The following SCML2 variants were observed in gnomAD, a reference collection of about 807,000 sequenced individuals.
SCML2 encodes Scm polycomb group protein like 2.
In SCML2, 6 loss-of-function variants were observed where a neutral mutation model predicts 48.4. That is an observed-to-expected ratio of 0.12 (90% CI 0.07 to 0.24). SCML2 has a LOEUF of 0.24. Ranked by LOEUF, SCML2 falls within the 10% of genes least tolerant of loss-of-function variation. The pLI is 1.00. For missense variants in SCML2, 377 were observed against 528.2 expected (o/e 0.71, Z 2.81); for synonymous variants, 181 against 189.5 (o/e 0.95, Z 0.37).
intron 11 of SCML2, among the ~76,000 whole-genome samples, chrX:18,248,385 T>A (rs1039984005): frequency 8.9e-6 from 1 of 112,640 alleles, no homozygotes; most frequent in African/African-American, 3.2e-5. Flanking sequence ...TAAAGCATGA[T>A]CCTGAAAGTA....
At chrX:18,322,696 C>A (rs1270414162) in intron 5 of SCML2, among the ~76,000 whole-genome samples, 3 of 110,979 alleles carry the variant, frequency 2.7e-5, no homozygotes, top group African/African-American at 9.8e-5. Context: ...GAGTTTGAGA[C>A]CAGCCTGGCC....
chrX:18,320,574 C>G (rs1050804890), intron 5 of SCML2, among the ~76,000 whole-genome samples, 154 bp from the exon 6 acceptor site: 4 of 111,245 alleles, frequency 3.6e-5, no homozygotes, highest in Admixed American at 1.9e-4. Context: ...GCAGATGTAC[C>G]CTCCTCTCAT....
chrX:18,241,040 C>T lies in SCML2; in HGVS notation c.*211G>A, dbSNP rs180990036. The T allele has an allele frequency of 2.2e-4, 54 of 243,705 alleles. No homozygotes were observed. Among genetic ancestry groups the T allele is most frequent in the African/African-American group, 1.2e-3 (44 of 35,532 alleles). 20.1% of individuals were successfully genotyped at this position (243,705 alleles called of 1,213,427 possible). A position where few individuals can be genotyped will look rare whatever the true frequency, so the allele number is the denominator to read the frequency against. On this transcript the variant is annotated 3_prime_UTR_variant, in exon 15 of 15. Coordinates refer to ENST00000251900, the MANE Select transcript of SCML2 (RefSeq NM_006089.3). ...GTTAAATGCTTTTTAAAGAAGTAGA[C>T]TGGGGGAGTGGCGGCTGTGTCTCCC... is the stretch of plus-strand genomic sequence containing the variant.
At chrX:18,283,709 T>C (rs1927944690) in intron 7 of SCML2, among the ~76,000 whole-genome samples, 1 of 111,233 alleles carries the variant, frequency 9.0e-6, no homozygotes, top group Admixed American at 9.6e-5. Context: ...GAAAATGAAA[T>C]ATCTAGATAC....
chrX:18,260,051 A>G (rs376794693), intron 9 of SCML2, 120 bp downstream of exon 9: 3 of 466,589 alleles, frequency 6.4e-6, no homozygotes, highest in Non-Finnish European at 6.6e-6. Flanking sequence ...ATGCAAAGAT[A>G]AATGTTTAAT....
In SCML2 at chrX:18,246,576, C is replaced by A; in HGVS notation, c.1822+1G>T. On this transcript the variant is annotated splice_donor_variant, in intron 13 of 14. Transcript: ENST00000251900. LOFTEE classifies it high-confidence loss of function. ...TTGAGAGTCACTATTTTTGAACATA[C>A]CTTCACTTTTCCTCTGCATTTGGAA... 1 of 1,192,195 alleles carries A rather than the reference C, an allele frequency of 8.4e-7. No homozygotes were observed. Among genetic ancestry groups the A allele is most frequent in the South Asian group, 1.9e-5 (1 of 53,163 alleles).
chrX:18,252,681 T>C (rs1177949745), intron 11 of SCML2, among the ~76,000 whole-genome samples: 39 of 112,864 alleles, frequency 3.5e-4, no homozygotes, highest in Non-Finnish European at 1.3e-4. Flanking sequence ...CATTCTAGTC[T>C]AAACTGAAGA....
chrX:18,312,596 G>T (rs1928988339), intron 6 of SCML2, among the ~76,000 whole-genome samples: 1 of 110,021 alleles, frequency 9.1e-6, no homozygotes, highest in Non-Finnish European at 1.9e-5. Context: ...AGAACCCGAG[G>T]ATATGGAAAG....
rs781139352 is a variant in SCML2 at position 18,267,007 on chromosome X, G to A, written c.731-1205C>T. On this transcript the variant is annotated intron_variant, in intron 7 of 14. Transcript: ENST00000251900. ...ACTTCCACTTTTTTGAAAAAGTCCA[G>A]TAACCTAACACACATTATTTCTGCA... 1.8e-4 allele frequency among the ~76,000 whole-genome samples: 20 copies of A among 111,978 alleles called. No individual in the cohort carries two copies. The South Asian group carries it at 7.5e-3, about 42-fold the overall frequency.
intron 1 of SCML2, among the ~76,000 whole-genome samples, chrX:18,340,162 C>T (rs1029236389): frequency 1.8e-5 from 2 of 112,163 alleles, no homozygotes; most frequent in South Asian, 7.4e-4. Context: ...CACCTGTAAT[C>T]CCAGCACTCT....
intron 8 of SCML2, among the ~76,000 whole-genome samples, chrX:18,263,869 C>T (rs1162970666): frequency 9.3e-6 from 1 of 107,230 alleles, no homozygotes; most frequent in Admixed American, 1.0e-4. Context: ...TCTCTTCTGG[C>T]CTCCATGGCT....
intron 2 of SCML2, among the ~76,000 whole-genome samples, chrX:18,333,092 A>G (rs977497682): frequency 2.7e-4 from 30 of 109,970 alleles, no homozygotes; most frequent in African/African-American, 9.9e-4. Flanking sequence ...CCTGGCCAAC[A>G]TGGCAAAACC....
Position 18,283,650 on chromosome X carries a change from A to G in SCML2, c.731-17848T>C, listed in dbSNP as rs1056434119. Among the ~76,000 whole-genome samples the G allele has an allele frequency of 7.1e-5, 8 of 112,445 alleles. No homozygotes were observed. The East Asian group carries it at 2.2e-3, about 31-fold the overall frequency. ...ACATTTCTACATACCAATAATATCC[A>G]GGCTTAGAGTCAAATCAAGAACACA... On this transcript the variant is annotated intron_variant, in intron 7 of 14. Coordinates refer to ENST00000251900, the MANE Select transcript of SCML2 (RefSeq NM_006089.3).
chrX:18,317,840 A>C (rs1224313706), intron 6 of SCML2, among the ~76,000 whole-genome samples: 1 of 108,676 alleles, frequency 9.2e-6, no homozygotes, highest in Non-Finnish European at 1.9e-5. Flanking sequence ...TCTCAAAAAA[A>C]AAAAAAAAAA....
chrX:18,274,646 T>C (rs1404289917), intron 7 of SCML2, among the ~76,000 whole-genome samples: 1 of 111,856 alleles, frequency 8.9e-6, no homozygotes, highest in East Asian at 2.8e-4. Flanking sequence ...TGTATCTTCA[T>C]AGCCCCATCT....
At chrX:18,299,852 C>A (rs774378677) in intron 7 of SCML2, among the ~76,000 whole-genome samples, 9 of 109,679 alleles carry the variant, frequency 8.2e-5, no homozygotes, top group Non-Finnish European at 1.7e-4. Context: ...AATCCTTCCA[C>A]CTCAGCCTCC....
intron 7 of SCML2, among the ~76,000 whole-genome samples, chrX:18,291,046 G>A (rs938720868): frequency 2.7e-5 from 3 of 111,787 alleles, no homozygotes; most frequent in South Asian, 3.8e-4. Flanking sequence ...ACAGAAGAGG[G>A]GGGAGCACGT....
chrX:18,352,620 T>C (rs184119566), intron 1 of SCML2, among the ~76,000 whole-genome samples: 1 of 111,986 alleles, frequency 8.9e-6, no homozygotes, highest in Non-Finnish European at 1.9e-5. Context: ...TTAAACACCC[T>C]GAAATTAGCA....
intron 5 of SCML2, 62 bp from the exon 6 acceptor site, chrX:18,320,482 G>T: frequency 1.4e-6 from 1 of 714,184 alleles, no homozygotes; most frequent in Non-Finnish European, 2.1e-6. Context: ...TTAACAAGTT[G>T]GTATAAAAAA....
Sources: allele counts gnomAD v4.1 joint callset (sites outside exome capture counted in the v4.1 genomes callset), GRCh38; gene constraint gnomAD v4.1.1; transcripts MANE v1.5; gene names NCBI Gene and HGNC (gene_info 2026-07-23, HGNC 2026-07-21).